TMEM181: variants seen among roughly 807,000 people sequenced by gnomAD.
TMEM181 encodes G protein-coupled receptor 178.
A neutral mutation model predicts 71.9 loss-of-function variants in TMEM181; 39 were observed. That is an observed-to-expected ratio of 0.54 (90% CI 0.42 to 0.71). The LOEUF (loss-of-function observed/expected upper bound fraction) is 0.71, where lower values mean the gene tolerates loss of function less well. Ranked by LOEUF, TMEM181 falls within the 30% of genes least tolerant of loss-of-function variation. The probability of loss-of-function intolerance (pLI) is 0.00; values close to 1 mark genes in which losing one functional copy is unlikely to be tolerated. For missense variants in TMEM181, 595 were observed against 583.0 expected, an observed-to-expected ratio of 1.02 and a Z score of -0.21; for synonymous variants, 245 against 228.8, an observed-to-expected ratio of 1.07 and a Z score of -0.64.
At chr6:158,599,778 C>T (rs912618769) in intron 6 of TMEM181, among the ~76,000 whole-genome samples, 49 of 152,238 alleles carry the variant, frequency 3.2e-4, no homozygotes, top group Middle Eastern at 3.2e-3. Flanking sequence ...GCCCTACTCT[C>T]GGGGCTTCCT....
intron 10 of TMEM181, chr6:158,610,647 G>T: frequency 6.6e-6 from 2 of 300,768 alleles, no homozygotes; most frequent in South Asian, 7.2e-5. Flanking sequence ...TGAAATGAGT[G>T]AGAATTCTGG....
intron 1 of TMEM181, 143 bp downstream of exon 1, chr6:158,560,375 G>A (rs1001006217): frequency 8.4e-6 from 8 of 953,372 alleles, no homozygotes; most frequent in African/African-American, 1.8e-5. Flanking sequence ...CGCTGAAGGG[G>A]GCTTCGCGGG....
At chr6:158,605,468 G>A (rs535180358) in intron 7 of TMEM181, 121 bp downstream of exon 7, 3 of 907,872 alleles carry the variant, frequency 3.3e-6, no homozygotes, top group East Asian at 2.4e-5. Context: ...GCTCCATCCA[G>A]TGGGCTGTGC....
chr6:158,605,162 G>GTGTGTA (rs1416715788), intron 6 of TMEM181, 105 bp from the exon 7 acceptor site: 13 of 668,868 alleles, frequency 1.9e-5, no homozygotes, highest in South Asian at 4.8e-5. Flanking sequence ...GTGTGTGTAT[G>GTGTGTA]TGTATATATT....
chr6:158,595,754 G>A (rs1455167481), intron 6 of TMEM181, among the ~76,000 whole-genome samples: 1 of 152,070 alleles, frequency 6.6e-6, no homozygotes, highest in Non-Finnish European at 1.5e-5. Context: ...GTTGAATCAG[G>A]GTTAGTGTTC....
At chr6:158,595,050 C>T (rs1183386205) in intron 6 of TMEM181, among the ~76,000 whole-genome samples, 3 of 152,136 alleles carry the variant, frequency 2.0e-5, no homozygotes, top group Non-Finnish European at 4.4e-5. Flanking sequence ...TGTTATAATG[C>T]CTTTTCTTAG....
chr6:158,580,086 T>G (rs1159906710), intron 2 of TMEM181, among the ~76,000 whole-genome samples: 1 of 152,116 alleles, frequency 6.6e-6, no homozygotes. Context: ...ATCCCGGCAC[T>G]TTGGGAGGCT....
chr6:158,567,458 G>A (rs1309553967), intron 1 of TMEM181, among the ~76,000 whole-genome samples: 1 of 152,258 alleles, frequency 6.6e-6, no homozygotes, highest in African/African-American at 2.4e-5. Flanking sequence ...ACTCTGCTGT[G>A]TAGTGCAGAC....
chr6:158,602,197 G>A (rs1353777975), intron 6 of TMEM181, among the ~76,000 whole-genome samples: 2 of 152,118 alleles, frequency 1.3e-5, no homozygotes, highest in Non-Finnish European at 2.9e-5. Flanking sequence ...ATTGTTTCAC[G>A]TAGCATAATT....
intron 1 of TMEM181, among the ~76,000 whole-genome samples, chr6:158,538,048 T>G (rs7749176): frequency 0.027 from 4,165 of 152,172 alleles, 197 homozygotes; most frequent in African/African-American, 0.094. Flanking sequence ...CCTGAGGGTA[T>G]GGGAAAAGAA....
intron 6 of TMEM181, among the ~76,000 whole-genome samples, chr6:158,604,080 T>C (rs917245825): frequency 3.3e-5 from 5 of 152,222 alleles, no homozygotes; most frequent in African/African-American, 1.2e-4. Flanking sequence ...TTCTTCTCTG[T>C]CTTGTGGGTG....
chr6:158,538,955 G>GT (rs1217435280), intron 1 of TMEM181, among the ~76,000 whole-genome samples: 1 of 152,242 alleles, frequency 6.6e-6, no homozygotes, highest in Admixed American at 6.5e-5. Flanking sequence ...GAGAGAGGCT[G>GT]GGCCAGGCCC....
intron 6 of TMEM181, among the ~76,000 whole-genome samples, chr6:158,590,755 C>T (rs1247705655): frequency 6.6e-6 from 1 of 152,234 alleles, no homozygotes; most frequent in Non-Finnish European, 1.5e-5. Context: ...AGCCACCGCG[C>T]CCGGCCCATT....
At position 158,634,408 on chromosome 6, in the gene TMEM181, A is replaced by T. The variant is rs1786824613; in HGVS notation, c.*2520A>T. ...AATAAATTATTTACTGAGGGTAGTT[A>T]TGTTAAAGTTTTGCGAACTTAAAGG... On this transcript the variant is annotated 3_prime_UTR_variant, in exon 17 of 17. Transcript: ENST00000684151. 1 of 152,248 alleles carries T rather than the reference A, an allele frequency of 6.6e-6. No homozygotes were observed. The highest frequency in any genetic ancestry group is 1.5e-5 in the Non-Finnish European group (1 of 68,050). 9.4% of individuals were successfully genotyped at this position (152,248 alleles called of 1,614,324 possible).
intron 1 of TMEM181, among the ~76,000 whole-genome samples, chr6:158,563,919 C>G (rs1339969194): frequency 6.6e-6 from 1 of 152,128 alleles, no homozygotes; most frequent in East Asian, 1.9e-4. Flanking sequence ...GAAGCTGGAA[C>G]TACAGGTGCG....
chr6:158,598,442 C>T (rs1262907582), intron 6 of TMEM181, among the ~76,000 whole-genome samples: 2 of 152,072 alleles, frequency 1.3e-5, no homozygotes, highest in Non-Finnish European at 2.9e-5. Context: ...CTACCTGAGG[C>T]TGCCCTGCAG....
chr6:158,593,494 A>C (rs562690880), intron 6 of TMEM181, among the ~76,000 whole-genome samples: 2 of 152,360 alleles, frequency 1.3e-5, no homozygotes, highest in South Asian at 2.1e-4. Context: ...TGAAGGGGGA[A>C]GTCCTGGGCA....
chr6:158,556,147 G>GA (rs2128282754), upstream of TMEM181, among the ~76,000 whole-genome samples: 1 of 152,280 alleles, frequency 6.6e-6, no homozygotes, highest in African/African-American at 2.4e-5. Flanking sequence ...TATCATCCCA[G>GA]TAGGGATGTA....
At chr6:158,587,408 G>A (rs1472382178) in intron 5 of TMEM181, among the ~76,000 whole-genome samples, 2 of 152,074 alleles carry the variant, frequency 1.3e-5, no homozygotes, top group African/African-American at 2.4e-5. Context: ...CCTTGTCTAC[G>A]CAGGTCTCTA....
Sources: gnomAD v4.1 joint callset for allele counts (sites outside exome capture counted in the v4.1 genomes callset) on GRCh38, gnomAD v4.1.1 for gene constraint, MANE v1.5 for transcripts, NCBI Gene and HGNC (gene_info 2026-07-23, HGNC 2026-07-21) for gene names.